Variants in UMAD1 observed in about 807,000 individuals in gnomAD.
UMAD1 encodes UBAP1-MVB12-associated (UMA)-domain containing protein 1.
UMAD1 carries 8 observed loss-of-function variants against 6.1 expected under a neutral mutation model. The observed-to-expected ratio is 1.30, with a 90% CI of 0.76 to 2.35. The LOEUF is 2.35. UMAD1 is among the 30% of genes most tolerant of loss of function. UMAD1 has a pLI of 0.00. For synonymous variants in UMAD1, 56 were observed against 31.4 expected (o/e 1.78, Z -2.61); for missense variants, 130 against 78.4 (o/e 1.66, Z -2.49).
chr7:7,640,878 A>G (rs1318783195), intron 1 of UMAD1, 57 bp downstream of exon 1: 1 of 179,880 alleles, frequency 5.6e-6, no homozygotes, highest in African/African-American at 2.4e-5. Context: ...CTTCCCGCGA[A>G]CAGAGTCAAA....
rs1047611315 is a variant in UMAD1, at chr7:7,679,750, A to G, written c.82+6297A>G. On this transcript the variant is annotated intron_variant, in intron 2 of 3. Transcript: ENST00000682710. Reference sequence around the variant, plus strand: ...TATATATACACACACACATATTAAGAGGCAATAACTCACTATGTTACTCAG... The same window carrying G: ...TATATATACACACACACATATTAAGGGGCAATAACTCACTATGTTACTCAG... Among the ~76,000 whole-genome samples, 5 of 147,982 alleles carry G rather than the reference A, an allele frequency of 3.4e-5. 1 individual carries two copies. Among genetic ancestry groups the G allele is most frequent in the African/African-American group, 1.2e-4 (5 of 40,522 alleles).
At chr7:7,740,971 T>A (rs1781451266) in intron 2 of UMAD1, 2 of 152,222 alleles carry the variant, frequency 1.3e-5, no homozygotes, top group Admixed American at 6.5e-5. Context: ...GGGAATAAGT[T>A]TAAAGTTTTC....
intron 2 of UMAD1, among the ~76,000 whole-genome samples, chr7:7,734,102 A>G (rs972647): frequency 0.21 from 32,633 of 151,988 alleles, 4,088 homozygotes; most frequent in African/African-American, 0.35. Flanking sequence ...TTTTTGATCA[A>G]TGTCATTATT....
intron 2 of UMAD1, among the ~76,000 whole-genome samples, chr7:7,674,577 TA>T (rs1779690856): frequency 6.6e-6 from 1 of 152,200 alleles, no homozygotes; most frequent in Non-Finnish European, 1.5e-5. Context: ...ATACCTGAGG[TA>T]AAAATAGTGG....
chr7:7,650,742 A>G (rs963261401), intron 1 of UMAD1, among the ~76,000 whole-genome samples: 1 of 152,222 alleles, frequency 6.6e-6, no homozygotes, highest in African/African-American at 2.4e-5. Flanking sequence ...TGAACCCAGA[A>G]TGGTCCACCT....
At chr7:7,816,080 C>G (rs1217501768) in intron 3 of UMAD1, among the ~76,000 whole-genome samples, 2 of 152,018 alleles carry the variant, frequency 1.3e-5, no homozygotes, top group Admixed American at 6.6e-5. Flanking sequence ...GCTGGTAGGA[C>G]CTTTACATGT....
intron 2 of UMAD1, among the ~76,000 whole-genome samples, chr7:7,719,223 A>G (rs1488419993): frequency 1.3e-5 from 2 of 152,236 alleles, no homozygotes; most frequent in East Asian, 3.8e-4. Context: ...AGGAGAGGAT[A>G]ACAAATGTGT....
chr7:7,810,594 A>G (rs376687951), intron 3 of UMAD1, among the ~76,000 whole-genome samples: 5 of 152,312 alleles, frequency 3.3e-5, no homozygotes, highest in African/African-American at 1.2e-4. Flanking sequence ...GATGTAATAC[A>G]TAAAAACATT....
In UMAD1 at chr7:7,877,421, A is replaced by G. The variant is rs1304377208; in HGVS notation, c.297A>G (p.Ala99=). Residue 99 remains alanine, a synonymous_variant, in exon 4 of 4, where the codon GCA becomes GCG. Coordinates refer to ENST00000682710, the MANE Select transcript of UMAD1 (RefSeq NM_001302348.2). ...VPFTLAPHVL[A]VQGTITDLPD... ...TCACCCTGGCCCCGCATGTGCTGGC[A>G]GTACAGGGCACCATCACTGACCTTC... The G allele has an allele frequency of 4.2e-6, 3 of 717,616 alleles. No homozygotes were observed. The highest frequency in any genetic ancestry group is 2.0e-5 in the Admixed American group (1 of 50,006). 44.5% of individuals were successfully genotyped at this position (717,616 alleles called of 1,614,324 possible). A position where few individuals can be genotyped will look rare whatever the true frequency, so the allele number is the denominator to read the frequency against.
chr7:7,662,108 GT>G (rs1369499732), intron 1 of UMAD1, among the ~76,000 whole-genome samples: 1 of 152,164 alleles, frequency 6.6e-6, no homozygotes, highest in Non-Finnish European at 1.5e-5. Context: ...TGTTTACACT[GT>G]GAGGGGAAAA....
Position 7,830,747 on chromosome 7 carries a change from T to C in UMAD1, c.156+29004T>C, listed in dbSNP as rs1783447883. On this transcript the variant is annotated intron_variant, in intron 3 of 3. Coordinates refer to ENST00000682710, the MANE Select transcript of UMAD1 (RefSeq NM_001302348.2). This position sits in a 1 kb window ranked among gnomAD's most constrained non-coding sequence, Gnocchi z 5.3. ...CAGTAGGGTTTTGAGTCAATATAAATAAACACATAGACTAAGTTCTATGAA... is the reference window on the plus strand; with the variant it reads ...CAGTAGGGTTTTGAGTCAATATAAACAAACACATAGACTAAGTTCTATGAA... Among the ~76,000 whole-genome samples, 3 of 152,196 alleles carry C rather than the reference T, an allele frequency of 2.0e-5. No individual in the cohort carries two copies. Among genetic ancestry groups the C allele is most frequent in the South Asian group, 2.1e-4 (1 of 4,836 alleles).
At chr7:7,674,876 ATTC>A (rs1372448952) in intron 2 of UMAD1, among the ~76,000 whole-genome samples, 1 of 151,982 alleles carries the variant, frequency 6.6e-6, no homozygotes, top group Non-Finnish European at 1.5e-5. Flanking sequence ...TTCACAATAA[ATTC>A]TTCTCTCAGA....
At chr7:7,854,278 C>T (rs550583974) in intron 3 of UMAD1, among the ~76,000 whole-genome samples, 1 of 140,614 alleles carries the variant, frequency 7.1e-6, no homozygotes, top group African/African-American at 2.7e-5. Context: ...TTGCTTTAAC[C>T]CGGGAGGCAG....
intron 2 of UMAD1, among the ~76,000 whole-genome samples, chr7:7,795,755 G>A (rs930930102): frequency 2.6e-5 from 4 of 152,144 alleles, no homozygotes; most frequent in African/African-American, 9.7e-5. Flanking sequence ...GTTGGTGGGA[G>A]TATTGTTTAG....
intron 3 of UMAD1, among the ~76,000 whole-genome samples, chr7:7,847,104 A>AATAT (rs1170307529): frequency 7.7e-3 from 50 of 6,482 alleles, no homozygotes; most frequent in South Asian, 0.016. Context: ...AAAAAAAAAA[A>AATAT]ATATATATAT....
chr7:7,831,926 A>C lies in UMAD1; in HGVS notation c.156+30183A>C, dbSNP rs1783474852. Among the ~76,000 whole-genome samples, 4 of 152,318 alleles carry C rather than the reference A, an allele frequency of 2.6e-5. No individual in the cohort carries two copies. In the South Asian group the frequency reaches 8.3e-4, roughly 32 times the overall value. ...TTCTTTGTGGCCAGATGTGGATACAATTAACCCTTTACCCTTTATTTTGAA... is the reference window on the plus strand; with the variant it reads ...TTCTTTGTGGCCAGATGTGGATACACTTAACCCTTTACCCTTTATTTTGAA... On this transcript the variant is annotated intron_variant, in intron 3 of 3. Transcript: ENST00000682710.
chr7:7,806,483 C>A (rs188746539), intron 3 of UMAD1, among the ~76,000 whole-genome samples: 226 of 152,294 alleles, frequency 1.5e-3, no homozygotes, highest in African/African-American at 5.3e-3. Context: ...AACTATCACA[C>A]TGTTAGACAT....
At chr7:7,859,372 G>A (rs1391175948) in intron 3 of UMAD1, among the ~76,000 whole-genome samples, 1 of 152,200 alleles carries the variant, frequency 6.6e-6, no homozygotes, top group Admixed American at 6.5e-5. Context: ...ACAGTGTGAA[G>A]TTAGGTATTC....
In UMAD1 at chr7:7,673,306, C is replaced by T; in HGVS notation, c.-63-3C>T. 2 of 1,101,860 alleles carry T rather than the reference C, an allele frequency of 1.8e-6. No homozygotes were observed. Among genetic ancestry groups the T allele is most frequent in the Non-Finnish European group, 1.3e-6 (1 of 770,458 alleles). 68.3% of individuals were successfully genotyped at this position (1,101,860 alleles called of 1,614,324 possible). A position where few individuals can be genotyped will look rare whatever the true frequency, so the allele number is the denominator to read the frequency against. On this transcript the variant is annotated splice_region_variant and splice_polypyrimidine_tract_variant and intron_variant, in intron 1 of 3. Coordinates refer to ENST00000682710, the MANE Select transcript of UMAD1 (RefSeq NM_001302348.2). ...TTGACATTGTGTAATGTTTCTATTT[C>T]AGGTAGCAGCAGCAGCAGCAGCAGC...
Sources: allele counts gnomAD v4.1 joint callset (sites outside exome capture counted in the v4.1 genomes callset), GRCh38; gene constraint gnomAD v4.1.1; non-coding constraint Gnocchi (gnomAD v3.1); transcripts MANE v1.5; gene names NCBI Gene and HGNC (gene_info 2026-07-23, HGNC 2026-07-21).